GPM6A: variants seen among roughly 807,000 people sequenced by gnomAD.
GPM6A encodes the protein neuronal membrane glycoprotein M6-a.
A neutral mutation model predicts 32.1 loss-of-function variants in GPM6A; 7 were observed. That is an observed-to-expected ratio of 0.22 (90% CI 0.12 to 0.41). The LOEUF (loss-of-function observed/expected upper bound fraction) is 0.41, where lower values mean the gene tolerates loss of function less well. Among genes scored for constraint, GPM6A ranks in the 10% least tolerant of loss-of-function variants. The probability of loss-of-function intolerance (pLI) is 1.00; values close to 1 mark genes in which losing one functional copy is unlikely to be tolerated. For synonymous variants in GPM6A, 130 were observed against 123.4 expected, an observed-to-expected ratio of 1.05 and a Z score of -0.35; for missense variants, 235 against 347.2, an observed-to-expected ratio of 0.68 and a Z score of 2.57.
Position 175,641,078 on chromosome 4 carries a change from C to T in GPM6A, c.542-249G>A, listed in dbSNP as rs1263204931. The stretch of plus-strand genomic sequence containing the variant: ...ATCTGAATTCAATTGAATCTCACCA[C>T]CAGAATTTCCAGACTCAATTATAGC... On this transcript the variant is annotated intron_variant, in intron 4 of 6. Coordinates refer to ENST00000393658, the MANE Select transcript of GPM6A (RefSeq NM_201591.3). 1.8e-5 allele frequency: 8 copies of T among 456,990 alleles called. No individual in the cohort carries two copies. In the East Asian group the frequency reaches 2.0e-4, roughly 12 times the overall value. The allele number at this position is 456,990 out of a possible 1,614,324, so 28.3% of individuals were successfully genotyped here.
intron 1 of GPM6A, among the ~76,000 whole-genome samples, chr4:175,966,302 T>C (rs1740333110): frequency 6.6e-6 from 1 of 151,924 alleles, no homozygotes; most frequent in Admixed American, 6.6e-5. Flanking sequence ...CTCAGGAGGC[T>C]GAGGTGAGAG....
intron 1 of GPM6A, among the ~76,000 whole-genome samples, chr4:175,885,220 T>C (rs776235081): frequency 1.1e-4 from 17 of 152,206 alleles, no homozygotes; most frequent in Non-Finnish European, 2.1e-4. Flanking sequence ...CAGAACTACC[T>C]GTAACAAAAT....
intron 2 of GPM6A, among the ~76,000 whole-genome samples, chr4:175,680,225 C>G (rs752188175): frequency 1.9e-4 from 29 of 152,200 alleles, no homozygotes; most frequent in Middle Eastern, 6.8e-3. Flanking sequence ...ATTGAGTATA[C>G]AGTGATACCT....
At chr4:175,736,269 T>A (rs1431734247) in intron 1 of GPM6A, among the ~76,000 whole-genome samples, 1 of 152,122 alleles carries the variant, frequency 6.6e-6, no homozygotes, top group East Asian at 1.9e-4. Flanking sequence ...TCCTACCTCA[T>A]CCTTCCAAAG....
chr4:175,702,537 C>T (rs1744937617), intron 1 of GPM6A, among the ~76,000 whole-genome samples: 1 of 151,998 alleles, frequency 6.6e-6, no homozygotes, highest in Non-Finnish European at 1.5e-5. Flanking sequence ...TTTATTGAGA[C>T]AGAGTCTGGC....
At chr4:175,745,459 T>G (rs1224613150) in intron 1 of GPM6A, among the ~76,000 whole-genome samples, 1 of 152,194 alleles carries the variant, frequency 6.6e-6, no homozygotes. Context: ...TCTGTTCAGT[T>G]AAACAAACAT....
Position 175,892,593 on chromosome 4 carries a change from T to G in GPM6A, c.-22-80344A>C, listed in dbSNP as rs562246285. On this transcript the variant is annotated intron_variant, in intron 1 of 7. Transcript: ENST00000280187. The stretch of plus-strand genomic sequence containing the variant: ...TTGTAAGAGAGAGTGAAGGACTAAA[T>G]TTTCCACTACGGCTCTTTCATTTGC... Among the ~76,000 whole-genome samples, 86 of 152,316 alleles carry G rather than the reference T, an allele frequency of 5.6e-4. 1 individual carries two copies. The highest frequency in any genetic ancestry group is 4.4e-3 in the South Asian group (21 of 4,826).
At position 175,671,517 on chromosome 4, in the gene GPM6A, T is replaced by C. The variant is rs147949228; in HGVS notation, c.387+2163A>G. Among the ~76,000 whole-genome samples the C allele has an allele frequency of 4.2e-3, 449 of 107,458 alleles. 2 individuals are homozygous for C. The highest frequency in any genetic ancestry group is 0.015 in the African/African-American group (415 of 28,572). The allele number at this position is 107,458 out of a possible 152,430, so 70.5% of individuals were successfully genotyped here. On this transcript the variant is annotated intron_variant, in intron 3 of 6. Coordinates refer to ENST00000393658, the MANE Select transcript of GPM6A (RefSeq NM_201591.3). ...AAAAAAAAAAAAAAAGCAGCATCAG[T>C]AGAGTGGAAATAAGTAGCAGGAGAG...
intron 1 of GPM6A, among the ~76,000 whole-genome samples, chr4:175,910,495 A>C (rs1281618127): frequency 2.6e-5 from 4 of 152,182 alleles, no homozygotes; most frequent in Non-Finnish European, 5.9e-5. Context: ...GAAAGGAAGA[A>C]GAAAGGGGCC....
At chr4:175,945,862 T>G (rs1253329439) in intron 1 of GPM6A, among the ~76,000 whole-genome samples, 1 of 152,150 alleles carries the variant, frequency 6.6e-6, no homozygotes, top group Admixed American at 6.5e-5. Flanking sequence ...GGGTGCATAT[T>G]ACGTACAACT....
intron 1 of GPM6A, among the ~76,000 whole-genome samples, chr4:175,821,664 T>C (rs1383010744): frequency 6.6e-6 from 1 of 152,052 alleles, no homozygotes; most frequent in Admixed American, 6.5e-5. Flanking sequence ...CTAGGAGCTT[T>C]GCATATTTTT....
chr4:175,868,888 G>A (rs1736818672), intron 1 of GPM6A, among the ~76,000 whole-genome samples: 1 of 152,184 alleles, frequency 6.6e-6, no homozygotes, highest in Non-Finnish European at 1.5e-5. Flanking sequence ...TCAGGAAAGT[G>A]TCAGTTCAGC....
chr4:175,995,376 TAAA>T (rs10541049), intron 1 of GPM6A, among the ~76,000 whole-genome samples: 21,012 of 95,740 alleles, frequency 0.22, 1,651 homozygotes, highest in Non-Finnish European at 0.27. Context: ...TTTCAATTTG[TAAA>T]AAAAAAAAAA....
chr4:175,735,215 A>G (rs1731608911), intron 1 of GPM6A, among the ~76,000 whole-genome samples: 1 of 152,210 alleles, frequency 6.6e-6, no homozygotes, highest in South Asian at 2.1e-4. Context: ...AGGCTGAAGA[A>G]TTAGTGTGGA....
At chr4:175,812,817 T>A, upstream of GPM6A, 1 of 985,368 alleles carries the variant, frequency 1.0e-6, no homozygotes, top group East Asian at 1.1e-4. Context: ...GTCAGATACG[T>A]TGCAAAAAAA....
chr4:175,844,246 A>G (rs1017401918), intron 1 of GPM6A, among the ~76,000 whole-genome samples: 2 of 152,200 alleles, frequency 1.3e-5, no homozygotes, highest in African/African-American at 4.8e-5. Flanking sequence ...TGAGAAATAT[A>G]AAATTGTGAG....
rs35980764 is a variant in GPM6A at position 175,835,627 on chromosome 4, GTATATATA to G, written c.-22-23386_-22-23379del. On this transcript the variant is annotated intron_variant, in intron 1 of 7. Coordinates refer to the GPM6A transcript ENST00000280187. ...CAAGTATATGTGTGTGTGAGTGTGT[GTATATATA>G]TATATATATATATATGCTTGTATGT... Among the ~76,000 whole-genome samples the G allele has an allele frequency of 7.9e-3, 1,089 of 138,620 alleles. 13 individuals are homozygous for G. The highest frequency in any genetic ancestry group is 0.03 in the South Asian group (132 of 4,406). 90.9% of individuals were successfully genotyped at this position (138,620 alleles called of 152,430 possible).
chr4:175,637,258 A>AATATAT (rs1740719751), intron 6 of GPM6A, among the ~76,000 whole-genome samples: 1 of 54,126 alleles, frequency 1.8e-5, no homozygotes, highest in Non-Finnish European at 3.0e-5. Flanking sequence ...ATATAATATA[A>AATATAT]AATATATATT....
At chr4:175,754,984 C>T (rs1231790174) in intron 1 of GPM6A, among the ~76,000 whole-genome samples, 2 of 151,968 alleles carry the variant, frequency 1.3e-5, no homozygotes, top group African/African-American at 2.4e-5. Flanking sequence ...CACACGCACA[C>T]AATTACACAT....
Sources: allele counts gnomAD v4.1 joint callset (sites outside exome capture counted in the v4.1 genomes callset), GRCh38; gene constraint gnomAD v4.1.1; transcripts MANE v1.5; gene names NCBI Gene and HGNC (gene_info 2026-07-23, HGNC 2026-07-21).